The following FOXP2 variants were observed in gnomAD, a reference collection of about 807,000 sequenced individuals.
FOXP2 encodes forkhead box P2, also known as forkhead box protein P2.
FOXP2 carries 12 observed loss-of-function variants against 115.8 expected under a neutral mutation model. That is an observed-to-expected ratio of 0.10 (90% confidence interval 0.07 to 0.17). FOXP2 has a LOEUF of 0.17. Ranked by LOEUF, FOXP2 falls within the 10% of genes least tolerant of loss-of-function variation. The pLI is 1.00. For missense variants in FOXP2, 629 were observed against 843.5 expected, an observed-to-expected ratio of 0.75 and a Z score of 3.15; for synonymous variants, 328 against 297.7, an observed-to-expected ratio of 1.10 and a Z score of -1.05.
chr7:114,368,728 G>T (rs891531181), intron 2 of FOXP2, among the ~76,000 whole-genome samples: 2 of 152,158 alleles, frequency 1.3e-5, no homozygotes, highest in Non-Finnish European at 2.9e-5. Flanking sequence ...TGTCTGGGTA[G>T]CACTGTTCCA....
At chr7:114,220,396 A>C (rs1488736665) in intron 1 of FOXP2, among the ~76,000 whole-genome samples, 1 of 152,182 alleles carries the variant, frequency 6.6e-6, no homozygotes, top group African/African-American at 2.4e-5. Context: ...CATGACTGGA[A>C]TCATGCAATT....
At chr7:114,554,678 A>G (rs879682378) in intron 3 of FOXP2, among the ~76,000 whole-genome samples, 3 of 152,180 alleles carry the variant, frequency 2.0e-5, no homozygotes, top group African/African-American at 4.8e-5. Context: ...TTTCTAATTT[A>G]GAACTCATAT....
chr7:114,301,420 A>G (rs1190613940), intron 2 of FOXP2, among the ~76,000 whole-genome samples: 1 of 151,954 alleles, frequency 6.6e-6, no homozygotes, highest in African/African-American at 2.4e-5. Flanking sequence ...ACCAAACATA[A>G]CTCCTGTCCA....
At chr7:114,297,261 G>C (rs888022427) in intron 2 of FOXP2, 1 of 483,960 alleles carries the variant, frequency 2.1e-6, no homozygotes, top group Admixed American at 2.5e-5. Context: ...ACTCCATGGC[G>C]CGCAGCTCCT....
At chr7:114,195,261 A>C (rs933758532) in intron 1 of FOXP2, among the ~76,000 whole-genome samples, 7 of 152,184 alleles carry the variant, frequency 4.6e-5, no homozygotes, top group African/African-American at 1.4e-4. Flanking sequence ...ACCAAGAACT[A>C]GTGACTTGCC....
intron 1 of FOXP2, among the ~76,000 whole-genome samples, chr7:114,282,845 C>G (rs1796373922): frequency 6.6e-6 from 1 of 151,988 alleles, no homozygotes; most frequent in African/African-American, 2.4e-5. Context: ...AACATCTGTA[C>G]AAATGATAGT....
At chr7:114,662,812 C>T (rs1806945957) in intron 14 of FOXP2, among the ~76,000 whole-genome samples, 2 of 152,036 alleles carry the variant, frequency 1.3e-5, no homozygotes, top group Non-Finnish European at 2.9e-5. Context: ...GACTGCCAAA[C>T]TTAAGTCCAA....
At chr7:114,541,518 G>A (rs914837272) in intron 3 of FOXP2, among the ~76,000 whole-genome samples, 1 of 151,976 alleles carries the variant, frequency 6.6e-6, no homozygotes, top group Non-Finnish European at 1.5e-5. Context: ...TTGCAACACA[G>A]ATACTTTTAA....
chr7:114,207,187 A>G (rs1794221327), intron 1 of FOXP2, among the ~76,000 whole-genome samples: 1 of 152,146 alleles, frequency 6.6e-6, no homozygotes, highest in Non-Finnish European at 1.5e-5. Flanking sequence ...TGGGTATGCT[A>G]GTTTTTATTT....
chr7:114,543,822 T>G (rs1375769023), intron 3 of FOXP2, among the ~76,000 whole-genome samples: 2 of 152,194 alleles, frequency 1.3e-5, no homozygotes, highest in African/African-American at 4.8e-5. Flanking sequence ...AATCTTGCCA[T>G]CTCTCATCTA....
At chr7:114,371,019 T>C (rs1285671359) in intron 2 of FOXP2, among the ~76,000 whole-genome samples, 3 of 152,204 alleles carry the variant, frequency 2.0e-5, no homozygotes, top group African/African-American at 7.2e-5. Context: ...TTCATTAGAT[T>C]ACTGGTTATT....
chr7:114,407,597 G>C (rs1793065328), intron 2 of FOXP2, among the ~76,000 whole-genome samples: 1 of 151,922 alleles, frequency 6.6e-6, no homozygotes, highest in Non-Finnish European at 1.5e-5. Flanking sequence ...TGAACAATAT[G>C]AATAACCATG....
At chr7:114,682,702 T>C (rs556937912) in intron 16 of FOXP2, among the ~76,000 whole-genome samples, 77 of 152,244 alleles carry the variant, frequency 5.1e-4, no homozygotes, top group African/African-American at 1.8e-3. Flanking sequence ...AAGAGACTAA[T>C]TCTCTATTCA....
intron 2 of FOXP2, among the ~76,000 whole-genome samples, chr7:114,294,444 T>C (rs1313453365): frequency 6.6e-6 from 1 of 152,184 alleles, no homozygotes; most frequent in East Asian, 1.9e-4. Flanking sequence ...TTTGGAGTGC[T>C]GTACTTTGAA....
intron 3 of FOXP2, among the ~76,000 whole-genome samples, chr7:114,607,106 C>CA (rs1406532496): frequency 6.6e-6 from 1 of 152,112 alleles, no homozygotes; most frequent in Non-Finnish European, 1.5e-5. Flanking sequence ...AGCAGAGCTA[C>CA]ACTAGATGAA....
rs774292922 is a variant in FOXP2 at position 114,662,159 on chromosome 7, A to G, written c.1742A>G (p.Gln581Arg). 1 of 1,612,910 alleles carries G rather than the reference A, an allele frequency of 6.2e-7. No individual in the cohort carries two copies. Among genetic ancestry groups the G allele is most frequent in the South Asian group, 1.1e-5 (1 of 91,070 alleles). ...TGGACTGTGGATGAAGTAGAATACC[A>G]GAAGCGAAGGTCACAAAAGATAACA... is the stretch of plus-strand genomic sequence containing the variant. The part of the protein sequence containing the change: ...AVWTVDEVEY[Q>R]KRRSQKITGS... Residue 581 changes from glutamine (Q) to arginine (R), a missense_variant, in exon 14 of 17, where the codon CAG becomes CGG. Coordinates refer to ENST00000350908, the MANE Select transcript of FOXP2 (RefSeq NM_014491.4).
intron 2 of FOXP2, among the ~76,000 whole-genome samples, chr7:114,380,876 G>T (rs956140481): frequency 3.3e-5 from 5 of 152,200 alleles, no homozygotes; most frequent in African/African-American, 9.7e-5. Flanking sequence ...GGTATGCCAT[G>T]GGTTGCAAGC....
At chr7:114,688,669 T>C (rs966996294) in intron 16 of FOXP2, among the ~76,000 whole-genome samples, 2 of 152,184 alleles carry the variant, frequency 1.3e-5, no homozygotes, top group Non-Finnish European at 2.9e-5. Flanking sequence ...AGCATTATTA[T>C]TCTTGTTAGT....
At chr7:114,489,353 C>T (rs1796930402) in intron 2 of FOXP2, among the ~76,000 whole-genome samples, 1 of 151,940 alleles carries the variant, frequency 6.6e-6, no homozygotes, top group Admixed American at 6.6e-5. Flanking sequence ...AGAAATAAAA[C>T]AATAAGGATT....
Sources: gnomAD v4.1 joint callset for allele counts (sites outside exome capture counted in the v4.1 genomes callset) on GRCh38, gnomAD v4.1.1 for gene constraint, MANE v1.5 for transcripts, NCBI Gene and HGNC (gene_info 2026-07-23, HGNC 2026-07-21) for gene names.